Variants in PADI1 observed in about 807,000 individuals in gnomAD.
PADI1 encodes protein-arginine deiminase type-1.
Under a neutral mutation model 74.8 loss-of-function variants are expected in PADI1, and 65 were observed. The observed-to-expected ratio is 0.87, with a 90% CI of 0.71 to 1.07. PADI1 has a LOEUF of 1.07. Ranked by LOEUF, PADI1 falls within the 50% of genes least tolerant of loss-of-function variation. The pLI, the probability that PADI1 is intolerant of heterozygous loss-of-function variation, is 0.00. For synonymous variants in PADI1, 371 were observed against 336.2 expected (o/e 1.10, Z -1.13); for missense variants, 943 against 854.0 (o/e 1.10, Z -1.30).
chr1:17,212,590 C>T (rs1013463843), intron 1 of PADI1, among the ~76,000 whole-genome samples: 2 of 152,164 alleles, frequency 1.3e-5, no homozygotes, highest in Admixed American at 6.5e-5. Flanking sequence ...AAGATTTGGC[C>T]GGTGGAGCCC....
In PADI1 at chr1:17,207,906, C is replaced by G. The variant is rs1488345622; in HGVS notation, c.92+2597C>G. Among the ~76,000 whole-genome samples the G allele has an allele frequency of 3.9e-5, 6 of 152,238 alleles. No homozygotes were observed. In the East Asian group the frequency reaches 7.7e-4, roughly 20 times the overall value. ...GTTGATTCTGCAGCATAAGGAAGAG[C>G]TTCCTGCTGGCCAGGTCTGCGATGG... On this transcript the variant is annotated intron_variant, in intron 1 of 15. Transcript: ENST00000375471.
At chr1:17,229,424 G>A (rs954280600) in intron 8 of PADI1, among the ~76,000 whole-genome samples, 2 of 152,198 alleles carry the variant, frequency 1.3e-5, no homozygotes, top group African/African-American at 4.8e-5. Context: ...TCCCTTGCCT[G>A]CTATGGACAT....
chr1:17,223,108 C>T (rs778664303), intron 2 of PADI1, among the ~76,000 whole-genome samples: 4 of 152,158 alleles, frequency 2.6e-5, no homozygotes, highest in African/African-American at 7.2e-5. Flanking sequence ...AGGCAGGGTC[C>T]GGACAGTCTC....
chr1:17,224,339 C>G (rs772781880), intron 3 of PADI1, 28 bp from the exon 4 acceptor site: 1 of 1,608,360 alleles, frequency 6.2e-7, no homozygotes. Flanking sequence ...GGATGAGCCC[C>G]TGGCAGCCCC....
chr1:17,229,988 C>G, intron 8 of PADI1, 97 bp from the exon 9 acceptor site: 1 of 1,184,754 alleles, frequency 8.4e-7, no homozygotes, highest in Non-Finnish European at 1.2e-6. Flanking sequence ...CCCTGTACCC[C>G]AGAGGCTGCA....
At chr1:17,243,948 G>A in intron 15 of PADI1, 62 bp from the exon 16 acceptor site, 2 of 1,166,316 alleles carry the variant, frequency 1.7e-6, no homozygotes, top group South Asian at 2.8e-5. Flanking sequence ...GGCAAGGAAG[G>A]GGTGCCAGAA....
chr1:17,230,815 G>A (rs3003407), intron 10 of PADI1, 136 bp downstream of exon 10: 257,147 of 604,784 alleles, frequency 0.43, 56,265 homozygotes, highest in African/African-American at 0.51. Flanking sequence ...GAGGTGGGAT[G>A]TCAGCAAACT....
At chr1:17,207,916 G>T (rs186193378) in intron 1 of PADI1, among the ~76,000 whole-genome samples, 1 of 152,212 alleles carries the variant, frequency 6.6e-6, no homozygotes, top group Non-Finnish European at 1.5e-5. Context: ...CTTCCTGCTG[G>T]CCAGGTCTGC....
At chr1:17,216,044 G>T (rs535313249) in intron 1 of PADI1, among the ~76,000 whole-genome samples, 2 of 151,976 alleles carry the variant, frequency 1.3e-5, no homozygotes, top group Non-Finnish European at 2.9e-5. Context: ...TGGGCGGACC[G>T]CAGGGATTGG....
At chr1:17,227,571 A>T (rs142935304) in intron 6 of PADI1, among the ~76,000 whole-genome samples, 6,371 of 133,154 alleles carry the variant, frequency 0.048, 151 homozygotes, top group Middle Eastern at 0.082. Flanking sequence ...ATAAATAAAT[A>T]AATAAATAAA....
chr1:17,239,850 A>G (rs1254751529), intron 14 of PADI1, 67 bp downstream of exon 14: 6 of 1,322,538 alleles, frequency 4.5e-6, no homozygotes, highest in Non-Finnish European at 6.4e-6. Flanking sequence ...AGCCCCAGGA[A>G]CTGGGTTGGG....
chr1:17,212,675 A>G (rs963042639), intron 1 of PADI1, among the ~76,000 whole-genome samples: 9 of 152,330 alleles, frequency 5.9e-5, no homozygotes, highest in African/African-American at 2.2e-4. Context: ...TGAACTGTCA[A>G]AGCAGAGAGG....
rs775655224 is a variant in PADI1 at position 17,245,990 on chromosome 1, C to G, written c.*1747C>G. On this transcript the variant is annotated 3_prime_UTR_variant, in exon 16 of 16. Coordinates refer to ENST00000375471, the MANE Select transcript of PADI1 (RefSeq NM_013358.3). The surrounding 1 kb of genome is among the most constrained non-coding windows in gnomAD (Gnocchi z 4.1). Reference sequence around the variant, plus strand: ...CCTACTTTCTGATCAATAAAAATGTCGACATGCATTTCTTACAGGGCTGTC... The same window carrying G: ...CCTACTTTCTGATCAATAAAAATGTGGACATGCATTTCTTACAGGGCTGTC... The G allele has an allele frequency of 6.6e-6, 1 of 152,312 alleles. No individual in the cohort carries two copies. Among genetic ancestry groups the G allele is most frequent in the East Asian group, 1.9e-4 (1 of 5,180 alleles). The allele number at this position is 152,312 out of a possible 1,614,324, so 9.4% of individuals were successfully genotyped here.
At position 17,220,210 on chromosome 1, in the gene PADI1, G is replaced by T. The variant is rs1050146396; in HGVS notation, c.93-2080G>T. Among the ~76,000 whole-genome samples, 39 of 152,022 alleles carry T rather than the reference G, an allele frequency of 2.6e-4. 1 individual carries two copies. Among genetic ancestry groups the T allele is most frequent in the African/African-American group, 9.2e-4 (38 of 41,376 alleles). ...ACTCCTGCCTCTTCTGTAAAATGGGGATTATAATCTTTGCTTTGGGGGGTT... is the reference window on the plus strand; with the variant it reads ...ACTCCTGCCTCTTCTGTAAAATGGGTATTATAATCTTTGCTTTGGGGGGTT... On this transcript the variant is annotated intron_variant, in intron 1 of 15. Coordinates refer to ENST00000375471, the MANE Select transcript of PADI1 (RefSeq NM_013358.3).
intron 14 of PADI1, chr1:17,240,266 G>A (rs760935416): frequency 4.1e-6 from 1 of 241,118 alleles, no homozygotes; most frequent in Non-Finnish European, 8.2e-6. Context: ...CTCAGTTAAT[G>A]GCAGGAGGGC....
At chr1:17,221,533 G>T (rs1371594504) in intron 1 of PADI1, among the ~76,000 whole-genome samples, 1 of 151,920 alleles carries the variant, frequency 6.6e-6, no homozygotes, top group Non-Finnish European at 1.5e-5. Context: ...GGGGGGAAAG[G>T]TGGGCAAGGT....
chr1:17,223,675 C>CT lies in PADI1; in HGVS notation c.331dup (p.Tyr111LeufsTer10). 1.2e-6 allele frequency: 2 copies of CT among 1,614,086 alleles called. No individual in the cohort carries two copies. The highest frequency in any genetic ancestry group is 1.7e-6 in the Non-Finnish European group (2 of 1,179,940). The stretch of plus-strand genomic sequence containing the variant: ...AGACCAAGCTCTGGGCCGCAGCGTG[C>CT]TTTACCTCACTGGCGTCGGTAAGTA... On this transcript the variant is annotated frameshift_variant, in exon 3 of 16. Coordinates refer to ENST00000375471, the MANE Select transcript of PADI1 (RefSeq NM_013358.3). LOFTEE classifies it high-confidence loss of function.
intron 11 of PADI1, 23 bp downstream of exon 11, chr1:17,232,993 G>A (rs1381593041): frequency 1.3e-6 from 2 of 1,578,098 alleles, no homozygotes; most frequent in Non-Finnish European, 1.7e-6. Flanking sequence ...GGCGGGAGGT[G>A]GGGAGGCACA....
chr1:17,210,924 A>G (rs2071818376), intron 1 of PADI1, among the ~76,000 whole-genome samples: 2 of 152,150 alleles, frequency 1.3e-5, no homozygotes, highest in Non-Finnish European at 2.9e-5. Context: ...GCTCCCGGGC[A>G]CCTGCTCTGT....
Sources: allele counts gnomAD v4.1 joint callset (sites outside exome capture counted in the v4.1 genomes callset), GRCh38; gene constraint gnomAD v4.1.1; non-coding constraint Gnocchi (gnomAD v3.1); transcripts MANE v1.5; gene names NCBI Gene and HGNC (gene_info 2026-07-23, HGNC 2026-07-21).